UNC5A: variants seen among roughly 807,000 people sequenced by gnomAD.
The protein encoded by UNC5A is netrin receptor UNC5A.
A neutral mutation model predicts 87.4 loss-of-function variants in UNC5A; 20 were observed. That is an observed-to-expected ratio of 0.23 (90% CI 0.16 to 0.33). The LOEUF (loss-of-function observed/expected upper bound fraction) is 0.33. UNC5A is among the 10% of genes least tolerant of loss of function. UNC5A has a pLI of 1.00. For missense variants in UNC5A, 844 were observed against 1,133.4 expected, an observed-to-expected ratio of 0.74 and a Z score of 3.67; for synonymous variants, 438 against 482.3, an observed-to-expected ratio of 0.91 and a Z score of 1.20.
rs748632995 is a variant in UNC5A, at chr5:176,877,601, G to A, written c.1533G>A (p.Leu511=). ...PIVSCGPPGV[L]LTRPVILAMD... is the part of the protein sequence containing the mutation. ...TTAGCTGTGGACCCCCTGGCGTCCT[G>A]CTCACCCGGCCAGTCATCCTGGCTA... The change falls in exon 10 of 15, where the codon CTG becomes CTA. Residue 511 remains leucine (L), a synonymous_variant. Transcript: ENST00000329542. The A allele has an allele frequency of 3.3e-5, 53 of 1,612,240 alleles. No individual in the cohort carries two copies. Among genetic ancestry groups the A allele is most frequent in the Non-Finnish European group, 4.0e-5 (47 of 1,179,530 alleles).
intron 14 of UNC5A, 115 bp from the exon 15 acceptor site, chr5:176,879,606 G>A (rs866038243): frequency 6.5e-6 from 10 of 1,544,414 alleles, no homozygotes; most frequent in Admixed American, 5.7e-5. Flanking sequence ...ACTAGTGGCC[G>A]GGGCAGTCAT....
At chr5:176,837,537 G>A (rs1757175741) in intron 1 of UNC5A, among the ~76,000 whole-genome samples, 1 of 152,182 alleles carries the variant, frequency 6.6e-6, no homozygotes, top group Non-Finnish European at 1.5e-5. Context: ...ATCCACACCA[G>A]GGACAGGGTC....
chr5:176,847,372 G>A (rs1296752444), intron 1 of UNC5A, among the ~76,000 whole-genome samples: 4 of 152,182 alleles, frequency 2.6e-5, no homozygotes, highest in Non-Finnish European at 4.4e-5. Flanking sequence ...TCCCTCCAGG[G>A]CCTCCCTTCT....
intron 1 of UNC5A, among the ~76,000 whole-genome samples, chr5:176,851,946 C>T (rs1301803529): frequency 9.2e-5 from 14 of 152,234 alleles, no homozygotes; most frequent in Middle Eastern, 3.2e-3. Context: ...CCGGCTCTGC[C>T]ATGGTCGCTG....
chr5:176,833,890 G>C (rs1266844026), intron 1 of UNC5A, among the ~76,000 whole-genome samples: 1 of 151,918 alleles, frequency 6.6e-6, no homozygotes, highest in East Asian at 1.9e-4. Context: ...TGTATTAGTA[G>C]AGACGGGGTT....
chr5:176,856,059 G>C (rs1046368585), intron 1 of UNC5A, among the ~76,000 whole-genome samples: 1 of 152,234 alleles, frequency 6.6e-6, no homozygotes, highest in Non-Finnish European at 1.5e-5. Flanking sequence ...TCTCCCAGCT[G>C]AGTGAGGCCG....
Position 176,875,247 on chromosome 5 carries a change from G to A in UNC5A, c.1378+681G>A, listed in dbSNP as rs1490891440. On this transcript the variant is annotated intron_variant, in intron 8 of 14. Coordinates refer to ENST00000329542, the MANE Select transcript of UNC5A (RefSeq NM_133369.3). This position sits in a 1 kb window ranked among gnomAD's most constrained non-coding sequence, Gnocchi z 5.2. ...GATAACTCCCACTCCCCCATCCTTA[G>A]CCTGCAGTTCTCCCGGGCGACAGAA... Among the ~76,000 whole-genome samples the A allele has an allele frequency of 6.6e-6, 1 of 152,036 alleles. No individual in the cohort carries two copies. The highest frequency in any genetic ancestry group is 1.5e-5 in the Non-Finnish European group (1 of 68,002).
chr5:176,816,569 C>T (rs1756593113), intron 1 of UNC5A, among the ~76,000 whole-genome samples: 1 of 152,244 alleles, frequency 6.6e-6, no homozygotes, highest in East Asian at 1.9e-4. Flanking sequence ...TAGGGTGAGG[C>T]CAGGCAGGTG....
chr5:176,862,754 C>T lies in UNC5A; in HGVS notation c.201C>T (p.Ala67=), dbSNP rs1757872419. The change falls in exon 2 of 15, where the codon GCC becomes GCT. Residue 67 remains alanine (A), a synonymous_variant. Transcript: ENST00000329542. ...AGCCAGTGCTGCTTGTGTGCAAGGC[C>T]GTGCCCGCCACGCAGATCTTCTTCA... ...KNKPVLLVCK[A]VPATQIFFKC... is the part of the protein sequence containing the mutation. The T allele has an allele frequency of 5.0e-6, 8 of 1,613,560 alleles. No homozygotes were observed. The highest frequency in any genetic ancestry group is 5.9e-6 in the Non-Finnish European group (7 of 1,179,954).
intron 6 of UNC5A, among the ~76,000 whole-genome samples, chr5:176,872,173 A>C (rs1270725483): frequency 5.0e-5 from 3 of 60,438 alleles, no homozygotes; most frequent in African/African-American, 7.4e-5. Flanking sequence ...ATCTGCCCAC[A>C]CTCGCCCCAC....
chr5:176,821,195 C>T (rs1756718757), intron 1 of UNC5A, among the ~76,000 whole-genome samples: 1 of 152,248 alleles, frequency 6.6e-6, no homozygotes, highest in Non-Finnish European at 1.5e-5. Context: ...CACGCCGCTG[C>T]ACCTGTGCTC....
At chr5:176,839,480 G>A (rs934352075) in intron 1 of UNC5A, among the ~76,000 whole-genome samples, 2 of 152,360 alleles carry the variant, frequency 1.3e-5, no homozygotes, top group South Asian at 2.1e-4. Flanking sequence ...TATCAGCATC[G>A]TTGAGCCCAG....
At chr5:176,823,640 A>G (rs1756783041) in intron 1 of UNC5A, among the ~76,000 whole-genome samples, 1 of 151,750 alleles carries the variant, frequency 6.6e-6, no homozygotes, top group Admixed American at 6.6e-5. Context: ...CCCAGCAAGC[A>G]GAGGCTCGGA....
intron 1 of UNC5A, among the ~76,000 whole-genome samples, chr5:176,826,453 A>G (rs2113596648): frequency 1.3e-5 from 2 of 152,288 alleles, no homozygotes; most frequent in South Asian, 4.2e-4. Context: ...GCTTAGTCCA[A>G]CCGATGAAGT....
chr5:176,820,322 G>A (rs1756697309), intron 1 of UNC5A, among the ~76,000 whole-genome samples: 1 of 152,186 alleles, frequency 6.6e-6, no homozygotes, highest in Non-Finnish European at 1.5e-5. Flanking sequence ...GCATGAACCT[G>A]GGAGGTGGAG....
rs1308424413 is a variant in UNC5A at position 176,844,078 on chromosome 5, G to A, written c.71-18546G>A. Among the ~76,000 whole-genome samples, 2 of 152,264 alleles carry A rather than the reference G, an allele frequency of 1.3e-5. No homozygotes were observed. Among genetic ancestry groups the A allele is most frequent in the African/African-American group, 4.8e-5 (2 of 41,474 alleles). Reference sequence around the variant, plus strand: ...AGGAGGCAGGGGACGGGGAGGACGAGGAGGAGGGGCCCTGAGACATGGAAA... The same window carrying A: ...AGGAGGCAGGGGACGGGGAGGACGAAGAGGAGGGGCCCTGAGACATGGAAA... On this transcript the variant is annotated intron_variant, in intron 1 of 14. Transcript: ENST00000329542. The surrounding 1 kb of genome is among the most constrained non-coding windows in gnomAD (Gnocchi z 4.2).
At position 176,879,646 on chromosome 5, in the gene UNC5A, G is replaced by C. The variant is rs547682530; in HGVS notation, c.2364-75G>C. The stretch of plus-strand genomic sequence containing the variant: ...TTTGGCTTCGGGGAGGCCCTGCCCT[G>C]GGGTGGGCCAGGGGGGGCAGGAGGT... On this transcript the variant is annotated intron_variant, in intron 14 of 14. Transcript: ENST00000329542. 19 of 1,580,840 alleles carry C rather than the reference G, an allele frequency of 1.2e-5. 1 individual carries two copies. The East Asian group carries it at 3.6e-4, about 30-fold the overall frequency.
Position 176,874,246 on chromosome 5 carries a change from T to A in UNC5A, c.1076-18T>A. On this transcript the variant is annotated intron_variant, in intron 7 of 14. Transcript: ENST00000329542. The surrounding 1 kb of genome is among the most constrained non-coding windows in gnomAD (Gnocchi z 7.6). ...GATGCCCTAGGTGCCATTGCCTGAG[T>A]CTGTCTTTATCCTGCAGACAACCCC... 6.3e-7 allele frequency: 1 copy of A among 1,582,104 alleles called. No individual in the cohort carries two copies. The highest frequency in any genetic ancestry group is 8.6e-7 in the Non-Finnish European group (1 of 1,162,124).
At chr5:176,831,944 T>C (rs1452699633) in intron 1 of UNC5A, among the ~76,000 whole-genome samples, 1 of 142,194 alleles carries the variant, frequency 7.0e-6, no homozygotes, top group Non-Finnish European at 1.5e-5. Flanking sequence ...TTGCCCAGGC[T>C]GGAGTGCTGT....
Sources: gnomAD v4.1 joint callset for allele counts (sites outside exome capture counted in the v4.1 genomes callset) on GRCh38, gnomAD v4.1.1 for gene constraint, Gnocchi (gnomAD v3.1) non-coding constraint, MANE v1.5 for transcripts, NCBI Gene and HGNC (gene_info 2026-07-23, HGNC 2026-07-21) for gene names.